Variants in SAXO1 observed in about 807,000 individuals in gnomAD.
SAXO1 encodes 4930500O09Rik.
Under a neutral mutation model 17.5 loss-of-function variants are expected in SAXO1, and 21 were observed. The observed-to-expected ratio is 1.20, with a 90% CI of 0.85 to 1.72. The LOEUF is 1.72. Among genes scored for constraint, SAXO1 ranks in the 40% most tolerant of loss-of-function variants. SAXO1 has a pLI of 0.00. For missense variants in SAXO1, 843 were observed against 596.0 expected (o/e 1.41, Z -4.32); for synonymous variants, 274 against 216.5 (o/e 1.27, Z -2.33).
intron 1 of SAXO1, among the ~76,000 whole-genome samples, chr9:19,046,479 T>A (rs1836218732): frequency 6.6e-6 from 1 of 152,108 alleles, no homozygotes. Context: ...GCAGATCACC[T>A]GAGGTCGGCA....
In SAXO1 at chr9:19,043,414, G is replaced by C. The variant is rs558933087; in HGVS notation, c.-158+5795C>G. ...CAGAGGCTGGGAAGGATAACAGGGG[G>C]GTTAAGCGGGAGGTGGAGATGGTTA... On this transcript the variant is annotated intron_variant, in intron 1 of 3. Transcript: ENST00000542071. Among the ~76,000 whole-genome samples the C allele has an allele frequency of 3.3e-5, 5 of 152,184 alleles. No homozygotes were observed. The South Asian group carries it at 6.2e-4, about 19-fold the overall frequency.
chr9:18,959,679 G>C (rs573325312), intron 1 of SAXO1, among the ~76,000 whole-genome samples: 1 of 152,004 alleles, frequency 6.6e-6, no homozygotes, highest in Non-Finnish European at 1.5e-5. Context: ...GCTGAGGCAG[G>C]AGAATCACTT....
chr9:18,976,718 G>A (rs1327111360), intron 1 of SAXO1, among the ~76,000 whole-genome samples: 2 of 152,174 alleles, frequency 1.3e-5, no homozygotes, highest in African/African-American at 2.4e-5. Context: ...AATCTTACAC[G>A]TTGCGTGATA....
rs745331301 is a variant in SAXO1, at chr9:18,928,198, G to A, written c.1279C>T (p.Pro427Ser). Reference sequence around the variant, plus strand: ...ACTTCCTCAAAGGTGTAGCCAGGAGGCTCAGGATATGAAGCTAGGCACCTG... The same window carrying A: ...ACTTCCTCAAAGGTGTAGCCAGGAGACTCAGGATATGAAGCTAGGCACCTG... Reference protein sequence around the residue: ...MGRCLASYPEPPGYTFEEVDA... With the variant: ...MGRCLASYPESPGYTFEEVDA... Residue 427 changes from proline to serine, a missense_variant, in exon 4 of 4, where the codon CCT (proline) becomes TCT (serine). By Grantham distance (74) the Pro-to-Ser change is moderately conservative. Coordinates refer to ENST00000380534, the MANE Select transcript of SAXO1 (RefSeq NM_153707.4). 16 of 1,614,180 alleles carry A rather than the reference G, an allele frequency of 9.9e-6. No individual in the cohort carries two copies. In the South Asian group the frequency reaches 1.6e-4, roughly 17 times the overall value.
At chr9:19,008,557 G>A (rs2130980970) in intron 1 of SAXO1, among the ~76,000 whole-genome samples, 1 of 152,296 alleles carries the variant, frequency 6.6e-6, no homozygotes, top group African/African-American at 2.4e-5. Context: ...CATATTTGAA[G>A]AGTTGAGTGA....
chr9:19,022,466 G>C (rs1019551181), intron 1 of SAXO1, among the ~76,000 whole-genome samples: 1 of 152,126 alleles, frequency 6.6e-6, no homozygotes, highest in Non-Finnish European at 1.5e-5. Context: ...TAAAGAACAG[G>C]GTATTCAATT....
rs547979379 is a variant in SAXO1, at chr9:18,930,576, C to T, written c.422-1521G>A. Among the ~76,000 whole-genome samples the T allele has an allele frequency of 2.4e-3, 368 of 152,154 alleles. 1 individual carries two copies. Among genetic ancestry groups the T allele is most frequent in the African/African-American group, 8.1e-3 (335 of 41,520 alleles). The stretch of plus-strand genomic sequence containing the variant: ...GTGCAATGGCACAATCTCAGCTCAC[C>T]GCAACCTCCACCTCCCAGGTTCAAG... On this transcript the variant is annotated intron_variant, in intron 3 of 3. Coordinates refer to ENST00000380534, the MANE Select transcript of SAXO1 (RefSeq NM_153707.4).
At chr9:19,024,883 T>C (rs1401220099) in intron 1 of SAXO1, among the ~76,000 whole-genome samples, 2 of 152,208 alleles carry the variant, frequency 1.3e-5, no homozygotes, top group African/African-American at 2.4e-5. Flanking sequence ...ATGGAGGGAA[T>C]GACGTTTAAA....
At chr9:18,947,186 T>A (rs781560842) in intron 2 of SAXO1, among the ~76,000 whole-genome samples, 1 of 152,232 alleles carries the variant, frequency 6.6e-6, no homozygotes, top group Non-Finnish European at 1.5e-5. Context: ...ATATGCCCAG[T>A]GGTACAGCTC....
intron 1 of SAXO1, among the ~76,000 whole-genome samples, chr9:18,977,727 C>G (rs1241280457): frequency 1.3e-5 from 2 of 152,206 alleles, no homozygotes; most frequent in East Asian, 3.9e-4. Flanking sequence ...GGCGTGGTGG[C>G]TCACGGCTGT....
intron 2 of SAXO1, among the ~76,000 whole-genome samples, chr9:18,948,960 G>C (rs370948075): frequency 1.3e-5 from 2 of 152,080 alleles, no homozygotes. Context: ...CTTTCCTACC[G>C]ATTACATGTC....
intron 1 of SAXO1, among the ~76,000 whole-genome samples, chr9:18,963,793 T>C (rs912631242): frequency 6.6e-6 from 1 of 152,206 alleles, no homozygotes; most frequent in East Asian, 1.9e-4. Context: ...TTCTTTCTCT[T>C]GCCTGATTGC....
intron 1 of SAXO1, among the ~76,000 whole-genome samples, chr9:19,001,768 C>T (rs1039642261): frequency 6.6e-6 from 1 of 151,780 alleles, no homozygotes; most frequent in African/African-American, 2.4e-5. Context: ...AAATTTATAA[C>T]ACTAAATGCC....
chr9:19,015,395 G>A (rs1834930388), intron 1 of SAXO1, among the ~76,000 whole-genome samples: 1 of 152,180 alleles, frequency 6.6e-6, no homozygotes, highest in African/African-American at 2.4e-5. Flanking sequence ...CCAGGCTGGA[G>A]TGCAGTGGCG....
chr9:19,018,499 G>C (rs1835087944), intron 1 of SAXO1, among the ~76,000 whole-genome samples: 1 of 152,184 alleles, frequency 6.6e-6, no homozygotes. Context: ...CTTTGCAATG[G>C]AACGTGTTTC....
intron 1 of SAXO1, among the ~76,000 whole-genome samples, chr9:19,016,012 G>A (rs915899659): frequency 4.6e-4 from 70 of 152,128 alleles, no homozygotes; most frequent in African/African-American, 1.7e-3. Flanking sequence ...TACACTGAAG[G>A]CTGAGAATAC....
chr9:19,004,696 T>C lies in SAXO1; in HGVS notation c.38+28175A>G, dbSNP rs1305080151. ...ACACTTGGACACAGGGCGGGGAACATCACACCCTGGGGGCCTGTTGTGGAG... is the reference window on the plus strand; with the variant it reads ...ACACTTGGACACAGGGCGGGGAACACCACACCCTGGGGGCCTGTTGTGGAG... On this transcript the variant is annotated intron_variant, in intron 1 of 3. Transcript: ENST00000380534. Among the ~76,000 whole-genome samples the C allele has an allele frequency of 2.6e-5, 4 of 151,944 alleles. No individual in the cohort carries two copies. In the East Asian group the frequency reaches 7.7e-4, roughly 29 times the overall value.
rs1279934541 is a variant in SAXO1, at chr9:19,014,276, C to T, written c.38+18595G>A. Among the ~76,000 whole-genome samples the T allele has an allele frequency of 5.3e-5, 8 of 151,746 alleles. 1 individual carries two copies. Among genetic ancestry groups the T allele is most frequent in the Admixed American group, 4.6e-4 (7 of 15,230 alleles). ...AGGAGTGCAAGACCAGCCTGGCCAACGTGGAGAAACCCTATCTCTACTGAA... is the reference window on the plus strand; with the variant it reads ...AGGAGTGCAAGACCAGCCTGGCCAATGTGGAGAAACCCTATCTCTACTGAA... On this transcript the variant is annotated intron_variant, in intron 1 of 3. Coordinates refer to ENST00000380534, the MANE Select transcript of SAXO1 (RefSeq NM_153707.4).
chr9:19,004,381 A>C (rs7859619), intron 1 of SAXO1, among the ~76,000 whole-genome samples: 72,784 of 152,070 alleles, frequency 0.48, 18,472 homozygotes, highest in Non-Finnish European at 0.57. Context: ...TAACCAAAGG[A>C]TTATAAATCA....
Sources: gnomAD v4.1 joint callset for allele counts (sites outside exome capture counted in the v4.1 genomes callset) on GRCh38, gnomAD v4.1.1 for gene constraint, MANE v1.5 for transcripts, NCBI Gene and HGNC (gene_info 2026-07-23, HGNC 2026-07-21) for gene names.